CACNG4: variants seen among roughly 807,000 people sequenced by gnomAD.
CACNG4 encodes voltage-dependent calcium channel gamma-4 subunit.
Under a neutral mutation model 22.9 loss-of-function variants are expected in CACNG4, and 8 were observed. The observed-to-expected ratio is 0.35, with a 90% confidence interval of 0.21 to 0.63. The LOEUF is 0.63. Among genes scored for constraint, CACNG4 ranks in the 30% least tolerant of loss-of-function variants. The pLI is 0.72. For synonymous variants in CACNG4, 188 were observed against 191.9 expected (o/e 0.98, Z 0.17); for missense variants, 357 against 455.4 (o/e 0.78, Z 1.97).
At chr17:66,987,809 G>T (rs931925675) in intron 1 of CACNG4, among the ~76,000 whole-genome samples, 8 of 152,004 alleles carry the variant, frequency 5.3e-5, no homozygotes, top group African/African-American at 1.9e-4. Context: ...GAAGCCAAGG[G>T]CAAGGGAGCC....
chr17:66,999,341 G>A (rs1183482430), intron 1 of CACNG4, among the ~76,000 whole-genome samples: 1 of 152,114 alleles, frequency 6.6e-6, no homozygotes, highest in Non-Finnish European at 1.5e-5. Context: ...CTGACCCCAG[G>A]GCACCGCCCC....
At chr17:67,005,728 T>C (rs986273943) in intron 1 of CACNG4, among the ~76,000 whole-genome samples, 3 of 152,170 alleles carry the variant, frequency 2.0e-5, no homozygotes, top group African/African-American at 7.2e-5. Flanking sequence ...ACTGGCCCCA[T>C]TCCAGGCTGC....
In CACNG4 at chr17:67,003,582, A is replaced by AT. The variant is rs142994502; in HGVS notation, c.221-14604dup. Among the ~76,000 whole-genome samples, 1,364 of 152,244 alleles carry AT rather than the reference A, an allele frequency of 9.0e-3. 21 individuals carry two copies. The highest frequency in any genetic ancestry group is 0.032 in the African/African-American group (1,319 of 41,542). On this transcript the variant is annotated intron_variant, in intron 1 of 3. Coordinates refer to ENST00000262138, the MANE Select transcript of CACNG4 (RefSeq NM_014405.4). ...TATTGACATTTGGAGCTAAATCATTATTTGTTGGGGCAGGGTAGGGAGTCA... is the reference window on the plus strand; with the variant it reads ...TATTGACATTTGGAGCTAAATCATTATTTTGTTGGGGCAGGGTAGGGAGTCA...
chr17:66,993,615 C>CT (rs1283193743), intron 1 of CACNG4, among the ~76,000 whole-genome samples: 3 of 151,986 alleles, frequency 2.0e-5, no homozygotes, highest in African/African-American at 7.3e-5. Flanking sequence ...ATGATAGATT[C>CT]TTTTTTTTGA....
intron 1 of CACNG4, among the ~76,000 whole-genome samples, chr17:66,977,403 CTGTG>C (rs1423432740): frequency 6.6e-6 from 1 of 152,134 alleles, no homozygotes; most frequent in African/African-American, 2.4e-5. Flanking sequence ...TGAACTAAGT[CTGTG>C]TGATGGTCAA....
At chr17:66,971,682 G>A (rs562800716) in intron 1 of CACNG4, among the ~76,000 whole-genome samples, 25 of 152,252 alleles carry the variant, frequency 1.6e-4, no homozygotes, top group African/African-American at 4.8e-4. Context: ...GCCAAAACCT[G>A]AACCAGAAAA....
chr17:67,022,256 G>T (rs1432456224), intron 2 of CACNG4, among the ~76,000 whole-genome samples: 1 of 152,062 alleles, frequency 6.6e-6, no homozygotes, highest in African/African-American at 2.4e-5. Flanking sequence ...TCTATTTTTA[G>T]TGGAGACTGG....
At chr17:66,967,333 A>G (rs1484067631) in intron 1 of CACNG4, among the ~76,000 whole-genome samples, 1 of 152,132 alleles carries the variant, frequency 6.6e-6, no homozygotes, top group Non-Finnish European at 1.5e-5. Flanking sequence ...TCTGAGGGCC[A>G]GAACATCCTT....
intron 1 of CACNG4, among the ~76,000 whole-genome samples, chr17:66,966,781 C>T (rs1048731169): frequency 6.6e-6 from 1 of 152,164 alleles, no homozygotes; most frequent in African/African-American, 2.4e-5. Context: ...AGAAACACAG[C>T]CACACAAAAG....
Position 66,965,125 on chromosome 17 carries a change from A to T in CACNG4, c.214A>T (p.Ile72Phe). The T allele has an allele frequency of 6.4e-7, 1 of 1,564,840 alleles. No homozygotes were observed. ...CTCTGGTCTGTGGCGGGTGTGCTGC[A>T]TCGAAGGTACGGCCAGCCCCGACCC... ...THSGLWRVCCIEGIYKGHCFR... is the reference protein window; with the variant it reads ...THSGLWRVCCFEGIYKGHCFR... Residue 72 changes from isoleucine (I) to phenylalanine (F), a missense_variant, in exon 1 of 4, where the codon ATC (isoleucine) becomes TTC (phenylalanine). This residue lies in a region of CACNG4 where 114 missense variants were observed against 161.6 expected (regional missense o/e 0.71). Transcript: ENST00000262138.
intron 3 of CACNG4, among the ~76,000 whole-genome samples, chr17:67,026,035 G>C (rs570575482): frequency 2.0e-5 from 3 of 151,970 alleles, no homozygotes; most frequent in Non-Finnish European, 2.9e-5. Flanking sequence ...GTATGTGTTT[G>C]AGAACTGTGA....
Position 67,031,386 on chromosome 17 carries a change from C to T in CACNG4, c.*382C>T. ...AGAAAAACGGGATTTCAGGGCCTTC[C>T]CTCCCTGCCTGGGTGTCGGGCCACC... On this transcript the variant is annotated 3_prime_UTR_variant, in exon 4 of 4. Coordinates refer to ENST00000262138, the MANE Select transcript of CACNG4 (RefSeq NM_014405.4). The surrounding 1 kb of genome is among the most constrained non-coding windows in gnomAD (Gnocchi z 4.0). 1 of 468,968 alleles carries T rather than the reference C, an allele frequency of 2.1e-6. No homozygotes were observed. The highest frequency in any genetic ancestry group is 1.5e-5 in the South Asian group (1 of 64,672). 29.1% of individuals were successfully genotyped at this position (468,968 alleles called of 1,614,324 possible).
chr17:66,971,372 G>A (rs925166359), intron 1 of CACNG4, among the ~76,000 whole-genome samples: 2 of 151,706 alleles, frequency 1.3e-5, no homozygotes, highest in East Asian at 1.9e-4. Flanking sequence ...ACACACACAC[G>A]GGCTACAAGT....
chr17:67,005,217 C>T (rs530021111), intron 1 of CACNG4, among the ~76,000 whole-genome samples: 15 of 152,346 alleles, frequency 9.8e-5, no homozygotes, highest in Non-Finnish European at 1.5e-5. Context: ...CCAAAATATA[C>T]ACTTCCAAGA....
intron 3 of CACNG4, among the ~76,000 whole-genome samples, chr17:67,026,270 C>A (rs1238738778): frequency 8.4e-6 from 1 of 119,244 alleles, no homozygotes; most frequent in African/African-American, 3.3e-5. Flanking sequence ...TTTGTGTGTG[C>A]GAGGAGTGTG....
chr17:67,021,995 T>C (rs761768722), intron 2 of CACNG4, among the ~76,000 whole-genome samples: 1 of 151,778 alleles, frequency 6.6e-6, no homozygotes, highest in South Asian at 2.1e-4. Context: ...TGGCAAGGCA[T>C]AGGTGCTTGT....
In CACNG4 at chr17:67,025,104, T is replaced by C. The variant is rs2035556161; in HGVS notation, c.445+104T>C. 3.6e-6 allele frequency: 4 copies of C among 1,115,740 alleles called. No homozygotes were observed. The Admixed American group carries it at 9.9e-5, about 28-fold the overall frequency. The allele number at this position is 1,115,740 out of a possible 1,614,324, so 69.1% of individuals were successfully genotyped here. A position where few individuals can be genotyped will look rare whatever the true frequency, so the allele number is the denominator to read the frequency against. ...AGGCAGTGTGCATCCTAGAGGGGAATGCAGACATAACATCGCCACATGCAA... is the reference window on the plus strand; with the variant it reads ...AGGCAGTGTGCATCCTAGAGGGGAACGCAGACATAACATCGCCACATGCAA... On this transcript the variant is annotated intron_variant, in intron 3 of 3. Coordinates refer to ENST00000262138, the MANE Select transcript of CACNG4 (RefSeq NM_014405.4).
chr17:66,965,175 CACACACACACAT>C (rs757115357), intron 1 of CACNG4, 44 bp downstream of exon 1: 32 of 1,130,034 alleles, frequency 2.8e-5, no homozygotes, highest in Middle Eastern at 2.7e-4. Flanking sequence ...CACACACACA[CACACACACACAT>C]ATACACACGC....
At chr17:67,026,289 G>C (rs2035565689) in intron 3 of CACNG4, among the ~76,000 whole-genome samples, 2 of 151,232 alleles carry the variant, frequency 1.3e-5, no homozygotes, top group Admixed American at 6.6e-5. Context: ...TGGTGTGTTT[G>C]TGCGTGTTAA....
Sources: allele counts gnomAD v4.1 joint callset (sites outside exome capture counted in the v4.1 genomes callset), GRCh38; gene constraint gnomAD v4.1.1; regional missense constraint gnomAD v4.1.1; non-coding constraint Gnocchi (gnomAD v3.1); transcripts MANE v1.5; gene names NCBI Gene and HGNC (gene_info 2026-07-23, HGNC 2026-07-21).